Variants in SCN10A observed in about 807,000 individuals in gnomAD.
SCN10A encodes sodium channel protein type 10 subunit alpha.
A neutral mutation model predicts 170.7 loss-of-function variants in SCN10A; 162 were observed. The ratio of observed to expected loss-of-function variants is 0.95; its 90% CI spans 0.84 to 1.08. The LOEUF is 1.08. SCN10A is among the 50% of genes least tolerant of loss of function. The pLI is 0.00. For missense variants in SCN10A, 2,527 were observed against 2,436.9 expected (o/e 1.04, Z -0.78); for synonymous variants, 985 against 904.6 (o/e 1.09, Z -1.59).
At chr3:38,784,027 T>C (rs2064169398) in intron 4 of SCN10A, among the ~76,000 whole-genome samples, 1 of 152,174 alleles carries the variant, frequency 6.6e-6, no homozygotes, top group African/African-American at 2.4e-5. Context: ...TATTCAAATT[T>C]TGTGCTATTT....
At chr3:38,760,282 G>C (rs1486996588) in intron 8 of SCN10A, among the ~76,000 whole-genome samples, 1 of 152,148 alleles carries the variant, frequency 6.6e-6, no homozygotes, top group Non-Finnish European at 1.5e-5. Context: ...ATGAGAACAG[G>C]CCCAGGCTAA....
At chr3:38,726,084 A>G (rs1363269960) in intron 17 of SCN10A, among the ~76,000 whole-genome samples, 1 of 152,246 alleles carries the variant, frequency 6.6e-6, no homozygotes, top group Non-Finnish European at 1.5e-5. Flanking sequence ...TAAGGTAGTA[A>G]GGAATAGTGC....
rs775064110 is a variant in SCN10A at position 38,698,448 on chromosome 3, T to C, written c.4772A>G (p.Lys1591Arg). ...GGCAAAGAGCAGTGTGCGGATCCCC[T>C]TGGCCGCTCGGATCAGTCTGAGGAT... is the stretch of plus-strand genomic sequence containing the variant. Reference protein sequence around the residue: ...GRILRLIRAAKGIRTLLFALM... With the variant: ...GRILRLIRAARGIRTLLFALM... Residue 1591 changes from lysine to arginine, a missense_variant, in exon 28 of 28, where the codon AAG becomes AGG. Physicochemically the swap from Lys to Arg is conservative, Grantham distance 26. Coordinates refer to ENST00000449082, the MANE Select transcript of SCN10A (RefSeq NM_006514.4). The C allele has an allele frequency of 1.2e-6, 2 of 1,614,182 alleles. No homozygotes were observed. Among genetic ancestry groups the C allele is most frequent in the Non-Finnish European group, 1.7e-6 (2 of 1,180,018 alleles).
intron 19 of SCN10A, 67 bp from the exon 20 acceptor site, chr3:38,722,479 T>C: frequency 6.5e-7 from 1 of 1,543,402 alleles, no homozygotes; most frequent in South Asian, 1.2e-5. Context: ...CTGCTCCTGC[T>C]GCAGAGAAAC....
rs1305478773 is a variant in SCN10A at position 38,712,373 on chromosome 3, G to A, written c.3877C>T (p.Leu1293Phe). 6.2e-7 allele frequency: 1 copy of A among 1,614,150 alleles called. No individual in the cohort carries two copies. Among genetic ancestry groups the A allele is most frequent in the Non-Finnish European group, 8.5e-7 (1 of 1,180,012 alleles). ...NVLLVCLIFW[L>F]IFSIMGVNLF... ...TTCACACCCATGATGCTGAAGATGAGCCAGAAGATGAGGCAGACGAGGAGG... is the reference window on the plus strand; with the variant it reads ...TTCACACCCATGATGCTGAAGATGAACCAGAAGATGAGGCAGACGAGGAGG... Residue 1293 changes from leucine to phenylalanine, a missense_variant, in exon 23 of 28, where the codon CTC (leucine) becomes TTC (phenylalanine). Transcript: ENST00000449082.
intron 8 of SCN10A, 70 bp downstream of exon 8, chr3:38,760,611 T>A: frequency 8.0e-7 from 1 of 1,242,704 alleles, no homozygotes; most frequent in Non-Finnish European, 1.2e-6. Flanking sequence ...TCTGTGCCCA[T>A]AATATGCCAA....
chr3:38,703,296 A>G (rs2063176142), intron 26 of SCN10A, among the ~76,000 whole-genome samples: 2 of 152,194 alleles, frequency 1.3e-5, no homozygotes, highest in South Asian at 4.1e-4. Context: ...ATTAATGTCC[A>G]TGTGCATTAC....
At chr3:38,771,462 G>A in intron 4 of SCN10A, 55 bp from the exon 5 acceptor site, 4 of 1,590,848 alleles carry the variant, frequency 2.5e-6, no homozygotes, top group Non-Finnish European at 2.6e-6. Flanking sequence ...GTACTCAGGG[G>A]GTTCCTTCTT....
chr3:38,761,084 G>T, intron 7 of SCN10A, 108 bp downstream of exon 7: 1 of 927,238 alleles, frequency 1.1e-6, no homozygotes, highest in Non-Finnish European at 1.6e-6. Context: ...GGAAAGGGGA[G>T]TCAAAATATA....
intron 26 of SCN10A, among the ~76,000 whole-genome samples, chr3:38,705,643 C>G (rs533980472): frequency 6.6e-6 from 1 of 152,236 alleles, no homozygotes; most frequent in South Asian, 2.1e-4. Context: ...AGGAAGCTTT[C>G]TTTGGCAGCC....
intron 15 of SCN10A, among the ~76,000 whole-genome samples, chr3:38,731,628 A>C (rs966684060): frequency 9.9e-5 from 15 of 152,238 alleles, no homozygotes; most frequent in African/African-American, 3.4e-4. Flanking sequence ...ATGAAAAAAC[A>C]GGCTGAAATC....
At chr3:38,704,543 G>C (rs887091494) in intron 26 of SCN10A, among the ~76,000 whole-genome samples, 4 of 152,206 alleles carry the variant, frequency 2.6e-5, no homozygotes, top group African/African-American at 9.7e-5. Flanking sequence ...TCTCAGAGAC[G>C]ATGAAGTGGG....
At chr3:38,737,075 A>G (rs1016883122) in intron 15 of SCN10A, among the ~76,000 whole-genome samples, 16 of 136,254 alleles carry the variant, frequency 1.2e-4, no homozygotes, top group African/African-American at 4.5e-4. Flanking sequence ...GGTTCACGCC[A>G]TTCTCCTGCC....
At chr3:38,747,996 A>G (rs1162753706) in intron 13 of SCN10A, among the ~76,000 whole-genome samples, 1 of 152,204 alleles carries the variant, frequency 6.6e-6, no homozygotes, top group East Asian at 1.9e-4. Flanking sequence ...ACTGAATCCC[A>G]GCACCTGAAG....
At chr3:38,747,638 G>A (rs1223158602) in intron 13 of SCN10A, among the ~76,000 whole-genome samples, 1 of 152,186 alleles carries the variant, frequency 6.6e-6, no homozygotes, top group Non-Finnish European at 1.5e-5. Context: ...CCGGGTTCCA[G>A]AGCAGTGTTC....
intron 4 of SCN10A, among the ~76,000 whole-genome samples, chr3:38,781,111 C>T (rs529486277): frequency 6.6e-6 from 1 of 152,102 alleles, no homozygotes; most frequent in South Asian, 2.1e-4. Flanking sequence ...GAAGTGTTGT[C>T]GTCTCTTATT....
intron 20 of SCN10A, among the ~76,000 whole-genome samples, chr3:38,722,032 G>C (rs1018890833): frequency 3.9e-5 from 6 of 152,214 alleles, no homozygotes; most frequent in African/African-American, 1.4e-4. Context: ...TCACTCAAAT[G>C]CTTGCAGCCA....
intron 5 of SCN10A, among the ~76,000 whole-genome samples, chr3:38,769,985 T>TGA (rs2063980498): frequency 1.3e-5 from 2 of 152,332 alleles, no homozygotes; most frequent in South Asian, 4.1e-4. Flanking sequence ...GTAGAGTCTG[T>TGA]GAGAGTCCTA....
Position 38,697,666 on chromosome 3 carries a change from C to A in SCN10A, c.5554G>T (p.Asp1852Tyr), listed in dbSNP as rs777159266. The change falls in exon 28 of 28, where the codon GAC becomes TAC. Residue 1852 changes from aspartate to tyrosine, a missense_variant. By Grantham distance (160) the Asp-to-Tyr change is radical. Transcript: ENST00000449082. ...TTTTGAATGACAGTGGCTGAAATGTCTTCTTGCTTCCATCGGAGAGTGGTT... is the reference window on the plus strand; with the variant it reads ...TTTTGAATGACAGTGGCTGAAATGTATTCTTGCTTCCATCGGAGAGTGGTT... ...IATTLRWKQEDISATVIQKAY... is the reference protein window; with the variant it reads ...IATTLRWKQEYISATVIQKAY... 2 of 1,614,164 alleles carry A rather than the reference C, an allele frequency of 1.2e-6. No homozygotes were observed. Among genetic ancestry groups the A allele is most frequent in the Admixed American group, 3.3e-5 (2 of 60,024 alleles).
Sources: allele counts gnomAD v4.1 joint callset (sites outside exome capture counted in the v4.1 genomes callset), GRCh38; gene constraint gnomAD v4.1.1; transcripts MANE v1.5; gene names NCBI Gene and HGNC (gene_info 2026-07-23, HGNC 2026-07-21).